The following NXPH1 variants were observed in gnomAD, a reference collection of about 807,000 sequenced individuals.
NXPH1 encodes neurexophilin 1, also known as neurexophilin-1.
A neutral mutation model predicts 23.7 loss-of-function variants in NXPH1; 5 were observed. The ratio of observed to expected loss-of-function variants is 0.21; its 90% confidence interval spans 0.11 to 0.44. The LOEUF (loss-of-function observed/expected upper bound fraction) is 0.44, where lower values mean the gene tolerates loss of function less well. NXPH1 is among the 20% of genes least tolerant of loss of function. The pLI is 0.99. For synonymous variants in NXPH1, 144 were observed against 122.2 expected (o/e 1.18, Z -1.18); for missense variants, 324 against 321.6 (o/e 1.01, Z -0.06).
intron 2 of NXPH1, among the ~76,000 whole-genome samples, chr7:8,478,301 T>C (rs1235582192): frequency 6.6e-6 from 1 of 151,892 alleles, no homozygotes; most frequent in Non-Finnish European, 1.5e-5. Flanking sequence ...GCTAAAACTT[T>C]AAGAAAATGG....
At chr7:8,629,174 G>T (rs1820066677) in intron 2 of NXPH1, among the ~76,000 whole-genome samples, 2 of 152,138 alleles carry the variant, frequency 1.3e-5, no homozygotes, top group African/African-American at 2.4e-5. Flanking sequence ...TATGGTCACA[G>T]AAATAATTTA....
intron 2 of NXPH1, among the ~76,000 whole-genome samples, chr7:8,474,410 A>T (rs1816932213): frequency 6.6e-6 from 1 of 152,254 alleles, no homozygotes; most frequent in African/African-American, 2.4e-5. Context: ...GAGAAGTCTA[A>T]AAATGAAGAT....
chr7:8,644,998 A>G (rs1312785326), intron 2 of NXPH1, among the ~76,000 whole-genome samples: 1 of 152,190 alleles, frequency 6.6e-6, no homozygotes, highest in African/African-American at 2.4e-5. Flanking sequence ...ATCCCTGTTG[A>G]TAAATGCAGT....
intron 2 of NXPH1, among the ~76,000 whole-genome samples, chr7:8,525,944 C>G (rs964643483): frequency 6.6e-6 from 1 of 152,208 alleles, no homozygotes; most frequent in African/African-American, 2.4e-5. Flanking sequence ...CCTACTGGGG[C>G]TCCACCTAGT....
At chr7:8,643,591 A>T (rs1408935115) in intron 2 of NXPH1, among the ~76,000 whole-genome samples, 1 of 152,140 alleles carries the variant, frequency 6.6e-6, no homozygotes, top group Non-Finnish European at 1.5e-5. Context: ...AGCCTAATAC[A>T]TGTTCAGGTT....
chr7:8,521,767 A>G (rs1817775581), intron 2 of NXPH1, among the ~76,000 whole-genome samples: 1 of 152,170 alleles, frequency 6.6e-6, no homozygotes, highest in Non-Finnish European at 1.5e-5. Context: ...TGGCAGTGTA[A>G]CTGTCACAAG....
intron 2 of NXPH1, among the ~76,000 whole-genome samples, chr7:8,627,177 G>T (rs929704345): frequency 1.3e-5 from 2 of 151,990 alleles, no homozygotes; most frequent in African/African-American, 4.8e-5. Context: ...CAGATTAGTG[G>T]CCATTTTTAT....
At chr7:8,524,432 G>T (rs989924855) in intron 2 of NXPH1, among the ~76,000 whole-genome samples, 2 of 152,022 alleles carry the variant, frequency 1.3e-5, no homozygotes, top group African/African-American at 4.8e-5. Flanking sequence ...TGCAGGATCT[G>T]CTTCAGAGGT....
chr7:8,529,927 T>G (rs1375970705), intron 2 of NXPH1, among the ~76,000 whole-genome samples: 2 of 152,220 alleles, frequency 1.3e-5, no homozygotes, highest in African/African-American at 4.8e-5. Flanking sequence ...ACTTTTAAAA[T>G]GAAGATTATG....
chr7:8,456,041 G>A (rs1051822823), intron 2 of NXPH1, among the ~76,000 whole-genome samples: 21 of 152,176 alleles, frequency 1.4e-4, no homozygotes, highest in Admixed American at 1.4e-3. Context: ...GGAAAGCCAG[G>A]CATGGGTAAG....
chr7:8,669,271 G>A (rs1820829030), intron 2 of NXPH1, among the ~76,000 whole-genome samples: 1 of 152,136 alleles, frequency 6.6e-6, no homozygotes, highest in African/African-American at 2.4e-5. Flanking sequence ...AGCCCTGTGT[G>A]GACCTGAAGC....
At chr7:8,635,170 C>G (rs1040122505) in intron 2 of NXPH1, among the ~76,000 whole-genome samples, 1 of 152,108 alleles carries the variant, frequency 6.6e-6, no homozygotes, top group African/African-American at 2.4e-5. Context: ...GAAAAAAATG[C>G]TATGTCACCG....
chr7:8,465,753 A>G (rs892604177), intron 2 of NXPH1, among the ~76,000 whole-genome samples: 1 of 152,212 alleles, frequency 6.6e-6, no homozygotes, highest in Non-Finnish European at 1.5e-5. Flanking sequence ...CTGCTTTCTA[A>G]TTATTCCCTA....
intron 2 of NXPH1, among the ~76,000 whole-genome samples, chr7:8,610,046 T>C (rs538564669): frequency 6.6e-6 from 1 of 152,290 alleles, no homozygotes; most frequent in South Asian, 2.1e-4. Context: ...GCTAGAGTGA[T>C]AGCTATGAAG....
intron 2 of NXPH1, among the ~76,000 whole-genome samples, chr7:8,557,510 C>G (rs1818378944): frequency 6.6e-6 from 1 of 151,506 alleles, no homozygotes; most frequent in Non-Finnish European, 1.5e-5. Flanking sequence ...ATTGACCCCT[C>G]CACTCAGGGT....
intron 2 of NXPH1, among the ~76,000 whole-genome samples, chr7:8,740,987 A>G (rs989751909): frequency 2.6e-5 from 4 of 152,230 alleles, no homozygotes; most frequent in Middle Eastern, 3.2e-3. Flanking sequence ...GTTGTACATT[A>G]GAACTCCAGA....
rs187284296 is a variant in NXPH1 at position 8,554,362 on chromosome 7, T to C, written c.54+118595T>C. The stretch of plus-strand genomic sequence containing the variant: ...CAGAGGAGGAGCAATACCGACCATA[T>C]GGTGGGAGATTGACTCACATCCATC... On this transcript the variant is annotated intron_variant, in intron 2 of 2. Coordinates refer to ENST00000405863, the MANE Select transcript of NXPH1 (RefSeq NM_152745.3). 1.0e-3 allele frequency among the ~76,000 whole-genome samples: 151 copies of C among 151,616 alleles called. 1 individual carries two copies. The highest frequency in any genetic ancestry group is 3.4e-3 in the African/African-American group (140 of 41,436).
chr7:8,663,968 C>T (rs1156298325), intron 2 of NXPH1, among the ~76,000 whole-genome samples: 1 of 152,042 alleles, frequency 6.6e-6, no homozygotes, highest in Non-Finnish European at 1.5e-5. Context: ...AACAGATTTT[C>T]TCTGTCTGTT....
In NXPH1 at chr7:8,631,828, T is replaced by C. The variant is rs148046642; in HGVS notation, c.55-119180T>C. On this transcript the variant is annotated intron_variant, in intron 2 of 2. Transcript: ENST00000405863. Reference sequence around the variant, plus strand: ...ACATTCTCTTATTAGAAGCAAGTTATACCTTAGAAGTGTTGTTAGGACACA... The same window carrying C: ...ACATTCTCTTATTAGAAGCAAGTTACACCTTAGAAGTGTTGTTAGGACACA... Among the ~76,000 whole-genome samples, 447 of 152,342 alleles carry C rather than the reference T, an allele frequency of 2.9e-3. 4 individuals are homozygous for C. Among genetic ancestry groups the C allele is most frequent in the African/African-American group, 0.01 (417 of 41,588 alleles).
Sources: gnomAD v4.1 joint callset for allele counts (sites outside exome capture counted in the v4.1 genomes callset) on GRCh38, gnomAD v4.1.1 for gene constraint, MANE v1.5 for transcripts, NCBI Gene and HGNC (gene_info 2026-07-23, HGNC 2026-07-21) for gene names.